Variants in ESRRG observed in about 807,000 individuals in gnomAD.
ESRRG encodes estrogen-related receptor gamma.
ESRRG carries 13 observed loss-of-function variants against 44.0 expected under a neutral mutation model. The ratio of observed to expected loss-of-function variants is 0.30; its 90% CI spans 0.19 to 0.47. The LOEUF (loss-of-function observed/expected upper bound fraction) is 0.47. ESRRG is among the 20% of genes least tolerant of loss of function. ESRRG has a pLI of 1.00. For missense variants in ESRRG, 395 were observed against 580.6 expected, an observed-to-expected ratio of 0.68 and a Z score of 3.29; for synonymous variants, 215 against 214.6, an observed-to-expected ratio of 1.00 and a Z score of -0.02.
chr1:216,528,644 G>A (rs984335301), intron 5 of ESRRG, among the ~76,000 whole-genome samples: 3 of 151,968 alleles, frequency 2.0e-5, no homozygotes, highest in African/African-American at 7.2e-5. Flanking sequence ...CTTTTTTAAC[G>A]TAAATTTTTA....
At chr1:216,606,979 C>G (rs929275950) in intron 3 of ESRRG, among the ~76,000 whole-genome samples, 1 of 152,200 alleles carries the variant, frequency 6.6e-6, no homozygotes, top group African/African-American at 2.4e-5. Context: ...GATAAACCCA[C>G]AGATTGATCT....
At chr1:216,580,307 G>T (rs2062509436) in intron 3 of ESRRG, among the ~76,000 whole-genome samples, 1 of 151,992 alleles carries the variant, frequency 6.6e-6, no homozygotes. Flanking sequence ...AGTAATTCTT[G>T]TTTGGCGTGT....
chr1:216,571,373 G>A (rs1239596186), intron 3 of ESRRG, among the ~76,000 whole-genome samples: 6 of 152,094 alleles, frequency 3.9e-5, no homozygotes, highest in African/African-American at 1.4e-4. Context: ...AACCTGAGAG[G>A]CAGAGGTTGC....
At chr1:216,615,689 G>A (rs1481250936) in intron 3 of ESRRG, among the ~76,000 whole-genome samples, 1 of 151,344 alleles carries the variant, frequency 6.6e-6, no homozygotes, top group Non-Finnish European at 1.5e-5. Flanking sequence ...TATGTGGAAA[G>A]AAGAAATACT....
chr1:216,670,743 G>A (rs2075011934), intron 2 of ESRRG, among the ~76,000 whole-genome samples: 1 of 152,060 alleles, frequency 6.6e-6, no homozygotes, highest in Non-Finnish European at 1.5e-5. Context: ...GTTTGGAAGG[G>A]GTCACTGGGC....
intron 1 of ESRRG, among the ~76,000 whole-genome samples, chr1:216,941,527 A>G (rs1408221206): frequency 1.3e-5 from 2 of 152,136 alleles, no homozygotes; most frequent in Admixed American, 6.5e-5. Context: ...TTGATCCCAC[A>G]CCAACAACTA....
chr1:217,113,765 G>C (rs1261984625), intron 1 of ESRRG, among the ~76,000 whole-genome samples: 1 of 152,166 alleles, frequency 6.6e-6, no homozygotes, highest in Non-Finnish European at 1.5e-5. Flanking sequence ...TGAGACAGGA[G>C]GATCACTAGA....
chr1:216,615,455 C>A (rs1041638740), intron 3 of ESRRG, among the ~76,000 whole-genome samples: 1 of 152,168 alleles, frequency 6.6e-6, no homozygotes, highest in South Asian at 2.1e-4. Context: ...TTTAAGGTAG[C>A]TTTCCTGCAT....
chr1:216,982,168 A>C (rs2074078654), intron 1 of ESRRG, among the ~76,000 whole-genome samples: 1 of 152,198 alleles, frequency 6.6e-6, no homozygotes, highest in South Asian at 2.1e-4. Context: ...AGTGTGTAAC[A>C]GCTTAGCTGC....
chr1:216,883,008 G>A (rs999560219), intron 2 of ESRRG, among the ~76,000 whole-genome samples: 1 of 151,972 alleles, frequency 6.6e-6, no homozygotes, highest in African/African-American at 2.4e-5. Context: ...TTTAAACTAT[G>A]TGGAGTACCA....
At chr1:216,550,117 T>C (rs11572794) in intron 5 of ESRRG, among the ~76,000 whole-genome samples, 2 of 152,170 alleles carry the variant, frequency 1.3e-5, no homozygotes, top group South Asian at 2.1e-4. Context: ...AGGAATAATG[T>C]AGTGTGATGA....
intron 2 of ESRRG, among the ~76,000 whole-genome samples, chr1:216,832,107 C>T (rs1428403698): frequency 1.3e-5 from 2 of 152,116 alleles, no homozygotes; most frequent in Admixed American, 1.3e-4. Flanking sequence ...TGCATTTTGT[C>T]TTATGAGCAA....
intron 3 of ESRRG, among the ~76,000 whole-genome samples, chr1:216,629,534 G>A (rs914519017): frequency 6.6e-6 from 1 of 152,280 alleles, no homozygotes; most frequent in South Asian, 2.1e-4. Context: ...TCCCTGGGGA[G>A]AATTTGGCTC....
chr1:216,989,210 G>A (rs1389774469), intron 1 of ESRRG, among the ~76,000 whole-genome samples: 3 of 152,002 alleles, frequency 2.0e-5, no homozygotes, highest in African/African-American at 7.3e-5. Context: ...ACTTTGGGAG[G>A]CTGAGGCGGG....
intron 2 of ESRRG, among the ~76,000 whole-genome samples, chr1:216,729,063 C>A (rs2088165589): frequency 6.6e-6 from 1 of 152,156 alleles, no homozygotes; most frequent in Non-Finnish European, 1.5e-5. Flanking sequence ...AGGGATGAGG[C>A]TTTGTACTGG....
At chr1:216,600,885 G>A (rs910783938) in intron 3 of ESRRG, among the ~76,000 whole-genome samples, 7 of 152,178 alleles carry the variant, frequency 4.6e-5, no homozygotes, top group African/African-American at 1.4e-4. Context: ...CTGGTTGGAC[G>A]CAGGCTGCAT....
In ESRRG at chr1:216,680,325, C is replaced by G. The variant is rs377581649; in HGVS notation, c.57-2834G>C. Among the ~76,000 whole-genome samples, 10 of 152,266 alleles carry G rather than the reference C, an allele frequency of 6.6e-5. No homozygotes were observed. In the East Asian group the frequency reaches 9.6e-4, roughly 15 times the overall value. The stretch of plus-strand genomic sequence containing the variant: ...CGAGCCTCAGACCTTTCAAAATTTG[C>G]TGAGGGTCATACAGCTAGGAAGCAG... On this transcript the variant is annotated intron_variant, in intron 1 of 6. Coordinates refer to ENST00000408911, the MANE Select transcript of ESRRG (RefSeq NM_001438.4).
At chr1:217,083,359 C>T (rs944901839) in intron 1 of ESRRG, among the ~76,000 whole-genome samples, 1 of 152,118 alleles carries the variant, frequency 6.6e-6, no homozygotes, top group African/African-American at 2.4e-5. Context: ...CTAGTCATGG[C>T]GTAGGGCCAT....
At chr1:216,912,983 C>T (rs1010882660) in intron 2 of ESRRG, among the ~76,000 whole-genome samples, 8 of 151,414 alleles carry the variant, frequency 5.3e-5, no homozygotes, top group East Asian at 1.9e-4. Context: ...ATTAGCTGGG[C>T]GTGGTGACAT....
Sources: allele counts gnomAD v4.1 joint callset (sites outside exome capture counted in the v4.1 genomes callset), GRCh38; gene constraint gnomAD v4.1.1; transcripts MANE v1.5; gene names NCBI Gene and HGNC (gene_info 2026-07-23, HGNC 2026-07-21).